The following BTNL3 variants were observed in gnomAD, a reference collection of about 807,000 sequenced individuals.
BTNL3 encodes butyrophilin like 3.
BTNL3 carries 20 observed loss-of-function variants against 40.1 expected under a neutral mutation model. The observed-to-expected ratio is 0.50, with a 90% CI of 0.35 to 0.72. The LOEUF (loss-of-function observed/expected upper bound fraction) is 0.72. Ranked by LOEUF, BTNL3 falls within the 30% of genes least tolerant of loss-of-function variation. The pLI, the probability that BTNL3 is intolerant of heterozygous loss-of-function variation, is 0.01. For synonymous variants in BTNL3, 179 were observed against 222.1 expected (o/e 0.81, Z 1.73); for missense variants, 449 against 582.2 (o/e 0.77, Z 2.35).
chr5:180,992,829 T>C lies in BTNL3; in HGVS notation c.66T>C (p.Thr22=), dbSNP rs374681725. Residue 22 remains threonine (T), a synonymous_variant, in exon 2 of 8, where the codon ACT becomes ACC. Coordinates refer to ENST00000342868, the MANE Select transcript of BTNL3 (RefSeq NM_197975.3). ...YELVSGQWQV[T]GPGKFVQALV... ...CTCCTATAGGACAGTGGCAAGTCAC[T>C]GGACCGGGCAAGTTTGTCCAGGCCT... The C allele has an allele frequency of 1.0e-5, 15 of 1,463,214 alleles. 3 individuals carry two copies. In the African/African-American group the frequency reaches 1.4e-4, roughly 13 times the overall value. 90.6% of individuals were successfully genotyped at this position (1,463,214 alleles called of 1,614,324 possible).
At chr5:181,003,783 G>A (rs778595499) in intron 4 of BTNL3, 73 bp from the exon 5 acceptor site, 14 of 1,612,836 alleles carry the variant, frequency 8.7e-6, no homozygotes, top group Non-Finnish European at 1.2e-5. Flanking sequence ...TCCCACCTGT[G>A]CAAGGAGCCA....
chr5:181,003,356 A>G (rs116149693), intron 4 of BTNL3, among the ~76,000 whole-genome samples: 1,788 of 136,116 alleles, frequency 0.013, 205 homozygotes, highest in African/African-American at 0.042. Flanking sequence ...TGGGCAACAG[A>G]GTGAGACCCT....
chr5:180,998,983 C>T lies in BTNL3; in HGVS notation c.673+1495C>T, dbSNP rs1048907164. ...CTCTACTAAAAATACAAAAATTAGC[C>T]GGGTGTGGTGGCGGGTGCCTGTAAT... On this transcript the variant is annotated intron_variant, in intron 3 of 7. Coordinates refer to ENST00000342868, the MANE Select transcript of BTNL3 (RefSeq NM_197975.3). 6.6e-5 allele frequency among the ~76,000 whole-genome samples: 9 copies of T among 135,746 alleles called. 2 individuals are homozygous for T. The highest frequency in any genetic ancestry group is 2.2e-4 in the South Asian group (1 of 4,572). The allele number at this position is 135,746 out of a possible 152,430, so 89.1% of individuals were successfully genotyped here.
intron 3 of BTNL3, among the ~76,000 whole-genome samples, chr5:181,002,466 A>C (rs1216124093): frequency 1.4e-5 from 1 of 71,652 alleles, no homozygotes; most frequent in Non-Finnish European, 2.8e-5. Context: ...ACACACACAC[A>C]CGTGAATATA....
chr5:181,005,594 A>G lies in BTNL3; in HGVS notation c.1123A>G (p.Asn375Asp), dbSNP rs779977403. The G allele has an allele frequency of 3.1e-6, 5 of 1,613,992 alleles. No homozygotes were observed. In the Admixed American group the frequency reaches 8.3e-5, roughly 27 times the overall value. Residue 375 changes from asparagine (N) to aspartate (D), a missense_variant, in exon 8 of 8, where the codon AAT becomes GAT. Asn to Asp is a conservative substitution (Grantham distance 23). Around this residue, in one of 2 missense-constraint regions of BTNL3, gnomAD observed 126 missense variants for 117.2 expected, o/e 1.07. Transcript: ENST00000342868. ...GKNNVTLSPN[N>D]GYWVLRLTTE... Reference sequence around the variant, plus strand: ...GAACAATGTGACTTTGTCTCCCAACAATGGGTATTGGGTCCTCAGACTGAC... The same window carrying G: ...GAACAATGTGACTTTGTCTCCCAACGATGGGTATTGGGTCCTCAGACTGAC...
Position 180,992,970 on chromosome 5 carries a change from T to A in BTNL3, c.207T>A (p.Asp69Glu). ...ATGCTGTGGTCCACCTCTACAGAGA[T>A]GGGGAAGACTGGGAATCTAAGCAGA... ...QFHAVVHLYR[D>E]GEDWESKQMP... Residue 69 changes from aspartate (D) to glutamate (E), a missense_variant, in exon 2 of 8, where the codon GAT (aspartate) becomes GAA (glutamate). Around this residue, in one of 2 missense-constraint regions of BTNL3, gnomAD observed 323 missense variants for 464.9 expected, o/e 0.69. Coordinates refer to ENST00000342868, the MANE Select transcript of BTNL3 (RefSeq NM_197975.3). 1 of 1,461,812 alleles carries A rather than the reference T, an allele frequency of 6.8e-7. No individual in the cohort carries two copies. The highest frequency in any genetic ancestry group is 9.4e-7 in the Non-Finnish European group (1 of 1,058,290). 90.6% of individuals were successfully genotyped at this position (1,461,812 alleles called of 1,614,324 possible). A position where few individuals can be genotyped will look rare whatever the true frequency, so the allele number is the denominator to read the frequency against.
chr5:180,995,607 G>T lies in BTNL3; in HGVS notation c.398-1606G>T, dbSNP rs549312107. Among the ~76,000 whole-genome samples the T allele has an allele frequency of 2.9e-5, 4 of 136,798 alleles. 2 individuals are homozygous for T. In the East Asian group the frequency reaches 8.6e-4, roughly 29 times the overall value. The allele number at this position is 136,798 out of a possible 152,430, so 89.7% of individuals were successfully genotyped here. A position where few individuals can be genotyped will look rare whatever the true frequency, so the allele number is the denominator to read the frequency against. On this transcript the variant is annotated intron_variant, in intron 2 of 7. Coordinates refer to ENST00000342868, the MANE Select transcript of BTNL3 (RefSeq NM_197975.3). ...GCAGTAAAAGGTGTTTTCCCATGTT[G>T]CTCCTCACTGTTTCTTGTGAGAGAG...
In BTNL3 at chr5:181,005,981, A is replaced by G. The variant is rs756001938; in HGVS notation, c.*109A>G. ...CTTCCTCTCCGGAGCCTGCGCACAG[A>G]GAGTCACGCCCCCCACTCTCCTTTA... On this transcript the variant is annotated 3_prime_UTR_variant, in exon 8 of 8. Transcript: ENST00000342868. 2.9e-5 allele frequency: 36 copies of G among 1,230,876 alleles called. No homozygotes were observed. The highest frequency in any genetic ancestry group is 3.5e-5 in the Non-Finnish European group (32 of 902,340). 76.2% of individuals were successfully genotyped at this position (1,230,876 alleles called of 1,614,324 possible).
In BTNL3 at chr5:181,005,735, A is replaced by C. The variant is rs1760216572; in HGVS notation, c.1264A>C (p.Asn422His). ...DYEGGTISFF[N>H]TNDQSLIYTL... ...TGAGGGTGGGACCATCTCCTTCTTCAATACAAATGACCAGTCCCTTATTTA... is the reference window on the plus strand; with the variant it reads ...TGAGGGTGGGACCATCTCCTTCTTCCATACAAATGACCAGTCCCTTATTTA... The change falls in exon 8 of 8, where the codon AAT becomes CAT. Residue 422 changes from asparagine (N) to histidine (H), a missense_variant. This residue lies in a region of BTNL3 where 126 missense variants were observed against 117.2 expected (regional missense o/e 1.07). Coordinates refer to ENST00000342868, the MANE Select transcript of BTNL3 (RefSeq NM_197975.3). The C allele has an allele frequency of 6.2e-7, 1 of 1,613,980 alleles. No individual in the cohort carries two copies. Among genetic ancestry groups the C allele is most frequent in the Admixed American group, 1.7e-5 (1 of 60,004 alleles).
chr5:180,992,031 G>C (rs964639530), intron 1 of BTNL3, among the ~76,000 whole-genome samples: 1 of 137,504 alleles, frequency 7.3e-6, no homozygotes, highest in Non-Finnish European at 1.7e-5. Context: ...GCTGTGGCTT[G>C]GACAAACTTT....
Position 181,006,138 on chromosome 5 carries a change from A to G in BTNL3, c.*266A>G, listed in dbSNP as rs1015129322. On this transcript the variant is annotated 3_prime_UTR_variant, in exon 8 of 8. Coordinates refer to ENST00000342868, the MANE Select transcript of BTNL3 (RefSeq NM_197975.3). ...TGAAGTGGGGACGGAATAGACTCAC[A>G]TTAGGTTTAGTTTGTGAAAACTCCA... The G allele has an allele frequency of 2.2e-6, 1 of 453,278 alleles. No homozygotes were observed. Among genetic ancestry groups the G allele is most frequent in the Non-Finnish European group, 3.8e-6 (1 of 259,908 alleles). 28.1% of individuals were successfully genotyped at this position (453,278 alleles called of 1,614,324 possible).
At chr5:180,997,659 G>C (rs972916982) in intron 3 of BTNL3, among the ~76,000 whole-genome samples, 171 bp downstream of exon 3, 1 of 136,944 alleles carries the variant, frequency 7.3e-6, no homozygotes, top group African/African-American at 2.5e-5. Context: ...TGATAAGGCA[G>C]AAGTAGAATA....
chr5:181,006,013 T>A lies in BTNL3; in HGVS notation c.*141T>A. 1 of 974,192 alleles carries A rather than the reference T, an allele frequency of 1.0e-6. No individual in the cohort carries two copies. The highest frequency in any genetic ancestry group is 1.5e-6 in the Non-Finnish European group (1 of 679,714). 60.3% of individuals were successfully genotyped at this position (974,192 alleles called of 1,614,324 possible). The stretch of plus-strand genomic sequence containing the variant: ...CGCCCCCCACTCTCCTTTAGGGAGC[T>A]GAGGTTCTTCTGCCCTGAGCCCTGC... On this transcript the variant is annotated 3_prime_UTR_variant, in exon 8 of 8. Transcript: ENST00000342868.
At position 180,997,471 on chromosome 5, in the gene BTNL3, C is replaced by T; in HGVS notation, c.656C>T (p.Ser219Phe). The T allele has an allele frequency of 6.8e-7, 1 of 1,463,338 alleles. No individual in the cohort carries two copies. The highest frequency in any genetic ancestry group is 9.4e-7 in the Non-Finnish European group (1 of 1,058,964). 90.6% of individuals were successfully genotyped at this position (1,463,338 alleles called of 1,614,324 possible). Residue 219 changes from serine (S) to phenylalanine (F), a missense_variant, in exon 3 of 8, where the codon TCC becomes TTC. Coordinates refer to ENST00000342868, the MANE Select transcript of BTNL3 (RefSeq NM_197975.3). ...HLAEQSHEVE[S>F]KVLIGETFFQ... ...GCTGAGCAGAGTCATGAGGTGGAAT[C>T]CAAGGTATTGATAGGAGGTGAGTGG...
chr5:181,006,072 G>A lies in BTNL3; in HGVS notation c.*200G>A. The A allele has an allele frequency of 3.4e-6, 2 of 591,218 alleles. No homozygotes were observed. Among genetic ancestry groups the A allele is most frequent in the Non-Finnish European group, 5.7e-6 (2 of 353,014 alleles). The allele number at this position is 591,218 out of a possible 1,614,324, so 36.6% of individuals were successfully genotyped here. On this transcript the variant is annotated 3_prime_UTR_variant, in exon 8 of 8. Coordinates refer to ENST00000342868, the MANE Select transcript of BTNL3 (RefSeq NM_197975.3). ...CAGTCACAGCTTCCAGATGAGGGGG[G>A]ATTGGCCTGACCCTGTGGGAGTCAG...
chr5:180,992,980 TG>T lies in BTNL3; in HGVS notation c.220del (p.Glu74AsnfsTer15). The T allele has an allele frequency of 6.8e-7, 1 of 1,461,968 alleles. No homozygotes were observed. The highest frequency in any genetic ancestry group is 9.4e-7 in the Non-Finnish European group (1 of 1,058,246). 90.6% of individuals were successfully genotyped at this position (1,461,968 alleles called of 1,614,324 possible). ...CCACCTCTACAGAGATGGGGAAGAC[TG>T]GGAATCTAAGCAGATGCCACAGTAT... ...VVHLYRDGED[W>X]ESKQMPQYRG... On this transcript the variant is annotated frameshift_variant, in exon 2 of 8. Coordinates refer to ENST00000342868, the MANE Select transcript of BTNL3 (RefSeq NM_197975.3). LOFTEE classifies it high-confidence loss of function.
chr5:181,000,754 C>T lies in BTNL3; in HGVS notation c.674-1918C>T, dbSNP rs1020976580. On this transcript the variant is annotated intron_variant, in intron 3 of 7. Transcript: ENST00000342868. ...CCGGGAAGCGGAGCTTGCAGTGAGC[C>T]GAGATTGCGCCACTGCAGTCCGCAG... 2.5e-4 allele frequency among the ~76,000 whole-genome samples: 33 copies of T among 132,844 alleles called. 7 individuals carry two copies. The highest frequency in any genetic ancestry group is 4.3e-4 in the Non-Finnish European group (25 of 58,364). 87.2% of individuals were successfully genotyped at this position (132,844 alleles called of 152,430 possible). A position where few individuals can be genotyped will look rare whatever the true frequency, so the allele number is the denominator to read the frequency against.
At chr5:180,994,744 G>A (rs1227590426) in intron 2 of BTNL3, among the ~76,000 whole-genome samples, 2 of 133,300 alleles carry the variant, frequency 1.5e-5, no homozygotes, top group Non-Finnish European at 3.4e-5. Flanking sequence ...CTCTTTTCAT[G>A]CTGGTTAAGT....
At chr5:180,999,053 G>A (rs1728655795) in intron 3 of BTNL3, among the ~76,000 whole-genome samples, 2 of 136,298 alleles carry the variant, frequency 1.5e-5, no homozygotes, top group South Asian at 4.3e-4. Context: ...CTTGAACCCG[G>A]GAGGCGGAGG....
Sources: gnomAD v4.1 joint callset for allele counts (sites outside exome capture counted in the v4.1 genomes callset) on GRCh38, gnomAD v4.1.1 for gene constraint, gnomAD v4.1.1 regional missense constraint, MANE v1.5 for transcripts, NCBI Gene and HGNC (gene_info 2026-07-23, HGNC 2026-07-21) for gene names.